Variants in LEKR1 observed in about 807,000 individuals in gnomAD.
LEKR1 encodes the protein protein LEKR1.
A neutral mutation model predicts 72.4 loss-of-function variants in LEKR1; 59 were observed. The ratio of observed to expected loss-of-function variants is 0.82; its 90% confidence interval spans 0.66 to 1.01. LEKR1 has a LOEUF of 1.01. LEKR1 is among the 50% of genes least tolerant of loss of function. LEKR1 has a pLI of 0.00. For missense variants in LEKR1, 728 were observed against 759.2 expected, an observed-to-expected ratio of 0.96 and a Z score of 0.48; for synonymous variants, 257 against 263.2, an observed-to-expected ratio of 0.98 and a Z score of 0.23.
intron 2 of LEKR1, among the ~76,000 whole-genome samples, chr3:156,832,068 G>A (rs1187702024): frequency 6.6e-6 from 1 of 152,210 alleles, no homozygotes; most frequent in Non-Finnish European, 1.5e-5. Flanking sequence ...AGGGTAAGAG[G>A]AGTGAAACTG....
At chr3:156,929,082 A>T (rs1724978384) in intron 5 of LEKR1, among the ~76,000 whole-genome samples, 1 of 152,052 alleles carries the variant, frequency 6.6e-6, no homozygotes, top group Non-Finnish European at 1.5e-5. Flanking sequence ...TAAAAAGAAA[A>T]TCTGAGTAAG....
At chr3:156,921,605 A>G (rs1261881089) in intron 4 of LEKR1, among the ~76,000 whole-genome samples, 1 of 152,138 alleles carries the variant, frequency 6.6e-6, no homozygotes, top group Non-Finnish European at 1.5e-5. Flanking sequence ...TTTCCTAGAA[A>G]TCTGGTGTTG....
In LEKR1 at chr3:156,963,248, T is replaced by C. The variant is rs1728278387; in HGVS notation, c.746-15946T>C. 3.3e-5 allele frequency among the ~76,000 whole-genome samples: 5 copies of C among 152,222 alleles called. No individual in the cohort carries two copies. The South Asian group carries it at 1.0e-3, about 31-fold the overall frequency. On this transcript the variant is annotated intron_variant, in intron 6 of 12. Coordinates refer to ENST00000356539, the MANE Select transcript of LEKR1 (RefSeq NM_001004316.3). ...TGTCTTCTCTGTCATACACGGCTTC[T>C]ATACTAAGCATGATTCATCCTCAGG...
At chr3:156,873,321 A>G (rs1718182738) in intron 3 of LEKR1, among the ~76,000 whole-genome samples, 1 of 151,552 alleles carries the variant, frequency 6.6e-6, no homozygotes. Flanking sequence ...AGGTGAGATG[A>G]TTTTCTGGTA....
chr3:156,994,885 G>T (rs1197774101), intron 9 of LEKR1, among the ~76,000 whole-genome samples: 3 of 152,194 alleles, frequency 2.0e-5, no homozygotes, highest in African/African-American at 7.2e-5. Flanking sequence ...TCAGATGAAT[G>T]CTGTCTCCTT....
intron 9 of LEKR1, among the ~76,000 whole-genome samples, chr3:156,999,110 C>T (rs1731818564): frequency 6.6e-6 from 1 of 152,164 alleles, no homozygotes; most frequent in Admixed American, 6.5e-5. Flanking sequence ...GTGTCTGCTT[C>T]TCCTTTGCCT....
intron 6 of LEKR1, among the ~76,000 whole-genome samples, chr3:156,958,104 A>T (rs1361099684): frequency 2.6e-5 from 4 of 152,184 alleles, no homozygotes; most frequent in Admixed American, 6.6e-5. Context: ...TCAACTAGCG[A>T]TGACAAGTAC....
In LEKR1 at chr3:156,993,289, A is replaced by T. The variant is rs1731282900; in HGVS notation, c.1109+12A>T. On this transcript the variant is annotated intron_variant, in intron 9 of 12. Transcript: ENST00000356539. The stretch of plus-strand genomic sequence containing the variant: ...CTGAAAAATGAAAGGTGCAGTAAAC[A>T]ATAATTTCTTACAAAAACATTTTAT... 1 of 1,535,116 alleles carries T rather than the reference A, an allele frequency of 6.5e-7. No individual in the cohort carries two copies. The highest frequency in any genetic ancestry group is 8.8e-7 in the Non-Finnish European group (1 of 1,135,974).
intron 10 of LEKR1, among the ~76,000 whole-genome samples, chr3:157,017,969 A>G (rs1447116143): frequency 1.3e-5 from 2 of 150,850 alleles, no homozygotes; most frequent in South Asian, 4.2e-4. Flanking sequence ...AAAAAAAAAA[A>G]AAAGAAAGCT....
At chr3:156,829,506 G>A (rs1712084308) in intron 2 of LEKR1, 129 bp downstream of exon 2, 2 of 559,610 alleles carry the variant, frequency 3.6e-6, no homozygotes, top group African/African-American at 1.9e-5. Flanking sequence ...GTGGGAGAGG[G>A]AATAATTATT....
intron 2 of LEKR1, among the ~76,000 whole-genome samples, chr3:156,838,306 C>T (rs1018825426): frequency 4.1e-4 from 62 of 152,236 alleles, no homozygotes; most frequent in Admixed American, 3.9e-3. Context: ...ATCAGCAATT[C>T]TTTCAGGGAA....
chr3:157,005,154 C>G (rs1576983159), intron 9 of LEKR1, among the ~76,000 whole-genome samples: 1 of 151,984 alleles, frequency 6.6e-6, no homozygotes, highest in Non-Finnish European at 1.5e-5. Flanking sequence ...ATATCATGAA[C>G]AGCTTTATAA....
chr3:156,857,541 T>G (rs917736114), intron 3 of LEKR1, among the ~76,000 whole-genome samples: 1 of 152,180 alleles, frequency 6.6e-6, no homozygotes, highest in African/African-American at 2.4e-5. Context: ...CCAGAAGTGT[T>G]TTGGATTTTG....
intron 3 of LEKR1, among the ~76,000 whole-genome samples, chr3:156,873,238 C>A (rs1208645137): frequency 6.6e-6 from 1 of 151,956 alleles, no homozygotes; most frequent in Non-Finnish European, 1.5e-5. Context: ...ATAGCTACTC[C>A]TGTTCACTTT....
chr3:156,909,519 C>T (rs573425677), intron 3 of LEKR1, among the ~76,000 whole-genome samples: 1 of 152,022 alleles, frequency 6.6e-6, no homozygotes, highest in African/African-American at 2.4e-5. Flanking sequence ...GGTGTGGTGG[C>T]ATGCGCCTGT....
chr3:156,864,633 C>T (rs1279786820), intron 3 of LEKR1, among the ~76,000 whole-genome samples: 1 of 151,990 alleles, frequency 6.6e-6, no homozygotes, highest in African/African-American at 2.4e-5. Flanking sequence ...TTTCATTCAT[C>T]AACATTTCAA....
intron 3 of LEKR1, 76 bp from the exon 4 acceptor site, chr3:156,920,499 G>C: frequency 2.3e-6 from 2 of 853,482 alleles, no homozygotes; most frequent in South Asian, 3.5e-5. Context: ...TTTATTAAAA[G>C]TAAGTATATT....
chr3:157,035,726 C>A (rs1392437731), intron 12 of LEKR1, among the ~76,000 whole-genome samples: 5 of 152,018 alleles, frequency 3.3e-5, no homozygotes, highest in Non-Finnish European at 7.4e-5. Context: ...TGGTAAAACT[C>A]CGTCTCTACT....
chr3:156,924,602 A>G (rs763002809), intron 4 of LEKR1: 11 of 598,624 alleles, frequency 1.8e-5, no homozygotes, highest in Admixed American at 2.7e-5. Context: ...CTTTAGATCT[A>G]TGATCTATTT....
Sources: allele counts gnomAD v4.1 joint callset (sites outside exome capture counted in the v4.1 genomes callset), GRCh38; gene constraint gnomAD v4.1.1; transcripts MANE v1.5; gene names NCBI Gene and HGNC (gene_info 2026-07-23, HGNC 2026-07-21).